LBR: variants seen among roughly 807,000 people sequenced by gnomAD.
LBR encodes the protein lamin B receptor.
In LBR, 28 loss-of-function variants were observed where a neutral mutation model predicts 74.3. That is an observed-to-expected ratio of 0.38 (90% confidence interval 0.28 to 0.52). LBR has a LOEUF of 0.52. Ranked by LOEUF, LBR falls within the 20% of genes least tolerant of loss-of-function variation. The pLI is 0.89. For synonymous variants in LBR, 228 were observed against 269.3 expected, an observed-to-expected ratio of 0.85 and a Z score of 1.50; for missense variants, 717 against 760.3, an observed-to-expected ratio of 0.94 and a Z score of 0.67.
chr1:225,410,666 A>C (rs2096103137), intron 9 of LBR, among the ~76,000 whole-genome samples: 1 of 152,186 alleles, frequency 6.6e-6, no homozygotes, highest in Non-Finnish European at 1.5e-5. Flanking sequence ...CACTGGAATG[A>C]CCCAAACTGA....
rs772068458 is a variant in LBR at position 225,419,268 on chromosome 1, A to G, written c.635T>C (p.Val212Ala). 3.1e-6 allele frequency: 5 copies of G among 1,613,854 alleles called. No homozygotes were observed. The Admixed American group carries it at 6.7e-5, about 22-fold the overall frequency. The change falls in exon 5 of 14, where the codon GTA (valine) becomes GCA (alanine). Residue 212 changes from valine (V) to alanine (A), a missense_variant. Coordinates refer to ENST00000272163, the MANE Select transcript of LBR (RefSeq NM_002296.4). ...IRAKDLEFGG[V>A]PGVFLIMFGL... ...GGCCCAGCTCTGAGGCCTACCAGGT[A>G]CTCCTCCAAACTCCAAGTCCTTTGC...
chr1:225,426,425 T>C (rs570052562), intron 1 of LBR, among the ~76,000 whole-genome samples: 1 of 152,298 alleles, frequency 6.6e-6, no homozygotes, highest in South Asian at 2.1e-4. Context: ...AAGAAAAATT[T>C]TGTTCACTGC....
At chr1:225,421,963 T>C in intron 3 of LBR, 114 bp downstream of exon 3, 1 of 1,043,562 alleles carries the variant, frequency 9.6e-7, no homozygotes, top group Non-Finnish European at 1.4e-6. Flanking sequence ...CCCAAAGTCA[T>C]CAACTTAGAT....
At chr1:225,408,632 C>T (rs1405501291) in intron 10 of LBR, among the ~76,000 whole-genome samples, 1 of 152,210 alleles carries the variant, frequency 6.6e-6, no homozygotes, top group Non-Finnish European at 1.5e-5. Flanking sequence ...TGCTAATTGC[C>T]CAGTGGCATG....
chr1:225,428,058 CCCCGCAG>C (rs1023481655), upstream of LBR: 14 of 151,988 alleles, frequency 9.2e-5, no homozygotes, highest in African/African-American at 3.4e-4. Flanking sequence ...CGCTCTCGCG[CCCCGCAG>C]TCCCGCAAGC....
At chr1:225,414,326 A>G in intron 7 of LBR, 1 of 345,472 alleles carries the variant, frequency 2.9e-6, no homozygotes. Context: ...CTCTAAACAA[A>G]GTATCCAAAG....
chr1:225,422,585 A>G (rs1172022184), intron 2 of LBR, among the ~76,000 whole-genome samples: 1 of 152,142 alleles, frequency 6.6e-6, no homozygotes, highest in African/African-American at 2.4e-5. Flanking sequence ...GTAATAATTA[A>G]CATGGATTAA....
chr1:225,424,125 C>T, intron 1 of LBR, 36 bp from the exon 2 acceptor site: 1 of 1,455,712 alleles, frequency 6.9e-7, no homozygotes, highest in Non-Finnish European at 9.7e-7. Context: ...TGAGTCAATA[C>T]ATACACATTT....
chr1:225,418,145 G>C lies in LBR; in HGVS notation c.676C>G (p.Leu226Val). 1 of 1,614,106 alleles carries C rather than the reference G, an allele frequency of 6.2e-7. No individual in the cohort carries two copies. Among genetic ancestry groups the C allele is most frequent in the Non-Finnish European group, 8.5e-7 (1 of 1,179,972 alleles). The stretch of plus-strand genomic sequence containing the variant: ...TTACACATCAACAGCAACAGGAAGA[G>C]GAACACAGGCAGGCCAAACATGATG... The part of the protein sequence containing the change: ...FLIMFGLPVF[L>V]FLLLLMCKQK... The change falls in exon 6 of 14, where the codon CTC becomes GTC. Residue 226 changes from leucine (L) to valine (V), a missense_variant. By Grantham distance (32) the Leu-to-Val change is conservative. Transcript: ENST00000272163.
At chr1:225,422,832 CCTA>C (rs2096130519) in intron 2 of LBR, among the ~76,000 whole-genome samples, 1 of 152,182 alleles carries the variant, frequency 6.6e-6, no homozygotes, top group African/African-American at 2.4e-5. Context: ...GTGTGGCCTT[CCTA>C]CTAAGAATGG....
intron 7 of LBR, chr1:225,414,233 A>C: frequency 2.3e-6 from 1 of 435,892 alleles, no homozygotes; most frequent in Non-Finnish European, 4.7e-6. Context: ...TGGCACTAAA[A>C]GGCAGAAGGT....
intron 10 of LBR, among the ~76,000 whole-genome samples, chr1:225,407,884 G>A (rs141938694): frequency 1.6e-3 from 242 of 151,828 alleles, no homozygotes; most frequent in African/African-American, 5.7e-3. Flanking sequence ...GTTAACCAGA[G>A]TACTTTATTC....
chr1:225,405,071 A>T (rs968949947), intron 11 of LBR, among the ~76,000 whole-genome samples: 1 of 152,244 alleles, frequency 6.6e-6, no homozygotes, highest in African/African-American at 2.4e-5. Context: ...ACATTACAAT[A>T]AAATCAATAC....
At chr1:225,404,344 C>A (rs2096087044) in intron 13 of LBR, 60 bp downstream of exon 13, 3 of 1,610,668 alleles carry the variant, frequency 1.9e-6, no homozygotes, top group Non-Finnish European at 2.5e-6. Context: ...ACAAAGGACA[C>A]ACACACACAT....
At chr1:225,413,191 C>T (rs1575223868) in intron 7 of LBR, among the ~76,000 whole-genome samples, 1 of 152,198 alleles carries the variant, frequency 6.6e-6, no homozygotes, top group Non-Finnish European at 1.5e-5. Flanking sequence ...ACATGCCACC[C>T]GCAGAAAAGA....
intron 2 of LBR, 58 bp from the exon 3 acceptor site, chr1:225,422,335 A>T (rs1158466906): frequency 3.7e-6 from 5 of 1,362,300 alleles, no homozygotes; most frequent in South Asian, 1.2e-5. Context: ...ATACAGACAG[A>T]CCCACACTAG....
In LBR at chr1:225,426,057, A is replaced by C. The variant is rs1459846806; in HGVS notation, c.-15+1897T>G. Among the ~76,000 whole-genome samples, 5 of 152,368 alleles carry C rather than the reference A, an allele frequency of 3.3e-5. No homozygotes were observed. The East Asian group carries it at 5.8e-4, about 18-fold the overall frequency. ...TTAAACAAGTTAACACATATGGTGGATACCTGTTAGGTCTCTAAAGCTTAC... is the reference window on the plus strand; with the variant it reads ...TTAAACAAGTTAACACATATGGTGGCTACCTGTTAGGTCTCTAAAGCTTAC... On this transcript the variant is annotated intron_variant, in intron 1 of 13. Transcript: ENST00000272163.
rs776142084 is a variant in LBR at position 225,422,154 on chromosome 1, A to G, written c.289T>C (p.Ser97Pro). Residue 97 changes from serine to proline, a missense_variant, in exon 3 of 14, where the codon TCT (serine) becomes CCT (proline). Coordinates refer to ENST00000272163, the MANE Select transcript of LBR (RefSeq NM_002296.4). ...TCGGCCTGGTGGGAAGCAGAAGCAG[A>G]TCGGCGGGCACTTTTAGGTGGTCGA... Reference protein sequence around the residue: ...PGRPPKSARRSASASHQADIK... With the variant: ...PGRPPKSARRPASASHQADIK... 3.7e-6 allele frequency: 6 copies of G among 1,614,124 alleles called. No homozygotes were observed. Among genetic ancestry groups the G allele is most frequent in the Non-Finnish European group, 4.2e-6 (5 of 1,180,040 alleles).
In LBR at chr1:225,402,048, C is replaced by T. The variant is rs539293039; in HGVS notation, c.*1255G>A. On this transcript the variant is annotated 3_prime_UTR_variant, in exon 14 of 14. Transcript: ENST00000272163. ...AAGTTTAGTGAATTTGCTACTGTTC[C>T]ATTACAGGACAATTAAAAATGAGAC... 5.3e-5 allele frequency: 8 copies of T among 152,018 alleles called. No individual in the cohort carries two copies. Among genetic ancestry groups the T allele is most frequent in the African/African-American group, 1.7e-4 (7 of 41,504 alleles). The allele number at this position is 152,018 out of a possible 1,614,324, so 9.4% of individuals were successfully genotyped here.
Sources: allele counts gnomAD v4.1 joint callset (sites outside exome capture counted in the v4.1 genomes callset), GRCh38; gene constraint gnomAD v4.1.1; transcripts MANE v1.5; gene names NCBI Gene and HGNC (gene_info 2026-07-23, HGNC 2026-07-21).